Variants in PPP4R2 observed in about 807,000 individuals in gnomAD.
The protein encoded by PPP4R2 is protein phosphatase 4 regulatory subunit 2.
In PPP4R2, 13 loss-of-function variants were observed where a neutral mutation model predicts 47.2. The observed-to-expected ratio is 0.28, with a 90% CI of 0.18 to 0.44. The LOEUF (loss-of-function observed/expected upper bound fraction) is 0.44. Ranked by LOEUF, PPP4R2 falls within the 20% of genes least tolerant of loss-of-function variation. The pLI, the probability that PPP4R2 is intolerant of heterozygous loss-of-function variation, is 1.00. For missense variants in PPP4R2, 421 were observed against 491.2 expected (o/e 0.86, Z 1.35); for synonymous variants, 151 against 163.3 (o/e 0.92, Z 0.57).
At chr3:73,048,695 G>C (rs1001571774) in intron 3 of PPP4R2, among the ~76,000 whole-genome samples, 1 of 152,232 alleles carries the variant, frequency 6.6e-6, no homozygotes, top group Non-Finnish European at 1.5e-5. Context: ...TCTAACCAGT[G>C]AATTCATAGT....
intron 2 of PPP4R2, among the ~76,000 whole-genome samples, chr3:73,004,238 G>A (rs1189228479): frequency 2.7e-5 from 4 of 148,644 alleles, no homozygotes; most frequent in South Asian, 4.2e-4. Flanking sequence ...ATGGGGTCTC[G>A]CTATATTGCC....
intron 2 of PPP4R2, among the ~76,000 whole-genome samples, chr3:73,042,588 C>G (rs1195633839): frequency 1.3e-5 from 2 of 151,972 alleles, no homozygotes; most frequent in Admixed American, 6.6e-5. Flanking sequence ...TGGTCTTGGT[C>G]TCTTGACCTT....
At chr3:73,053,540 A>G (rs1175072090) in intron 3 of PPP4R2, among the ~76,000 whole-genome samples, 2 of 152,206 alleles carry the variant, frequency 1.3e-5, no homozygotes, top group Non-Finnish European at 1.5e-5. Flanking sequence ...GACAATTGCT[A>G]TAGATTAATT....
chr3:73,032,454 A>G (rs2107279316), intron 2 of PPP4R2, among the ~76,000 whole-genome samples: 1 of 151,976 alleles, frequency 6.6e-6, no homozygotes, highest in African/African-American at 2.4e-5. Flanking sequence ...ATGCCCAGCT[A>G]ATTTTTGTAT....
In PPP4R2 at chr3:73,065,314, T is replaced by C. The variant is rs1702968672; in HGVS notation, c.929-83T>C. 5 of 1,395,616 alleles carry C rather than the reference T, an allele frequency of 3.6e-6. No homozygotes were observed. The South Asian group carries it at 4.5e-5, about 12-fold the overall frequency. 86.5% of individuals were successfully genotyped at this position (1,395,616 alleles called of 1,614,324 possible). ...ATTTCAGGGGATGTGATTTGAACTA[T>C]AGAATATCAGAATTCATGAAACTTA... On this transcript the variant is annotated intron_variant, in intron 8 of 8. Coordinates refer to ENST00000356692, the MANE Select transcript of PPP4R2 (RefSeq NM_174907.4).
intron 2 of PPP4R2, among the ~76,000 whole-genome samples, chr3:73,037,705 C>T (rs1223412322): frequency 6.6e-6 from 1 of 152,088 alleles, no homozygotes; most frequent in Non-Finnish European, 1.5e-5. Context: ...AATATATTTC[C>T]AATTCCTTTT....
intron 2 of PPP4R2, among the ~76,000 whole-genome samples, chr3:73,010,494 C>T (rs1259118438): frequency 3.3e-5 from 5 of 152,070 alleles, no homozygotes; most frequent in African/African-American, 4.8e-5. Flanking sequence ...TTTGTTTGAC[C>T]GTTGCTTAGA....
intron 3 of PPP4R2, among the ~76,000 whole-genome samples, chr3:73,048,116 C>T (rs991809719): frequency 6.6e-6 from 1 of 152,158 alleles, no homozygotes; most frequent in African/African-American, 2.4e-5. Context: ...ACCTCATGAT[C>T]CGCCTGCCTC....
chr3:73,033,611 A>G (rs532341964), intron 2 of PPP4R2, among the ~76,000 whole-genome samples: 8 of 152,370 alleles, frequency 5.3e-5, no homozygotes, highest in African/African-American at 1.9e-4. Flanking sequence ...ACAGTGTTGT[A>G]GAGCCATCAT....
intron 2 of PPP4R2, among the ~76,000 whole-genome samples, chr3:73,031,055 A>G (rs562768647): frequency 3.0e-4 from 46 of 152,214 alleles, no homozygotes; most frequent in Middle Eastern, 3.4e-3. Context: ...AGGTTGTCAG[A>G]GGGTTGAGGG....
At chr3:73,017,373 G>A (rs183860659) in intron 2 of PPP4R2, among the ~76,000 whole-genome samples, 1 of 152,212 alleles carries the variant, frequency 6.6e-6, no homozygotes, top group Non-Finnish European at 1.5e-5. Flanking sequence ...TGGAAGCTGT[G>A]TGTATTTTAC....
rs917886454 is a variant in PPP4R2, at chr3:73,063,375, G to A, written c.420-298G>A. On this transcript the variant is annotated intron_variant, in intron 5 of 8. Coordinates refer to ENST00000356692, the MANE Select transcript of PPP4R2 (RefSeq NM_174907.4). ...TGGTGGCTTAACGCCTGTAATCCCAGCACTTTGGGAGGCCGAGGTGGGCCG... is the reference window on the plus strand; with the variant it reads ...TGGTGGCTTAACGCCTGTAATCCCAACACTTTGGGAGGCCGAGGTGGGCCG... The A allele has an allele frequency of 1.2e-5, 3 of 241,392 alleles. No individual in the cohort carries two copies. The Admixed American group carries it at 1.7e-4, about 13-fold the overall frequency. The allele number at this position is 241,392 out of a possible 1,614,324, so 15.0% of individuals were successfully genotyped here.
At chr3:73,022,333 A>AT (rs71624001) in intron 2 of PPP4R2, among the ~76,000 whole-genome samples, 38,506 of 151,888 alleles carry the variant, frequency 0.25, 5,927 homozygotes, top group Non-Finnish European at 0.36. Context: ...TTTTCAGTTG[A>AT]TTTTTAAATA....
chr3:73,040,046 C>CT (rs1702344741), intron 2 of PPP4R2, among the ~76,000 whole-genome samples: 1 of 152,138 alleles, frequency 6.6e-6, no homozygotes, highest in Non-Finnish European at 1.5e-5. Context: ...GAGTGAAACT[C>CT]TGTCTCCAAA....
chr3:73,060,667 A>G (rs893382593), intron 4 of PPP4R2, among the ~76,000 whole-genome samples: 3 of 152,206 alleles, frequency 2.0e-5, no homozygotes, highest in Admixed American at 6.5e-5. Flanking sequence ...AGGAAAATCA[A>G]TTACATATGT....
chr3:73,039,017 C>T (rs1277456135), intron 2 of PPP4R2, among the ~76,000 whole-genome samples: 1 of 152,176 alleles, frequency 6.6e-6, no homozygotes, highest in African/African-American at 2.4e-5. Context: ...AGGTACTATG[C>T]CATCTTCAGA....
chr3:73,016,882 A>G (rs1701851143), intron 2 of PPP4R2, among the ~76,000 whole-genome samples: 2 of 140,698 alleles, frequency 1.4e-5, no homozygotes, highest in Admixed American at 1.5e-4. Context: ...TCAGTGGCTC[A>G]CTGAAACCTC....
rs1455285796 is a variant in PPP4R2 at position 73,058,873 on chromosome 3, G to A, written c.288-164G>A. Among the ~76,000 whole-genome samples, 3 of 112,472 alleles carry A rather than the reference G, an allele frequency of 2.7e-5. No homozygotes were observed. The East Asian group carries it at 8.5e-4, about 32-fold the overall frequency. 73.8% of individuals were successfully genotyped at this position (112,472 alleles called of 152,430 possible). ...AATAGAAAGGTATGCTTATTTTATT[G>A]TCTTTTTTTAAATGACTCATCCATT... On this transcript the variant is annotated intron_variant, in intron 3 of 8. Transcript: ENST00000356692.
Position 73,066,166 on chromosome 3 carries a change from A to T in PPP4R2, c.*444A>T, listed in dbSNP as rs1411278684. 2 of 148,996 alleles carry T rather than the reference A, an allele frequency of 1.3e-5. No homozygotes were observed. The highest frequency in any genetic ancestry group is 4.2e-4 in the South Asian group (2 of 4,772). 9.2% of individuals were successfully genotyped at this position (148,996 alleles called of 1,614,324 possible). On this transcript the variant is annotated 3_prime_UTR_variant, in exon 9 of 9. Coordinates refer to ENST00000356692, the MANE Select transcript of PPP4R2 (RefSeq NM_174907.4). ...GTTTCAACATTTTAACATGTGAATT[A>T]TAGGGTTTCATGCTGGTTTCCAGAT...
Sources: gnomAD v4.1 joint callset for allele counts (sites outside exome capture counted in the v4.1 genomes callset) on GRCh38, gnomAD v4.1.1 for gene constraint, MANE v1.5 for transcripts, NCBI Gene and HGNC (gene_info 2026-07-23, HGNC 2026-07-21) for gene names.